PTPRG: variants seen among roughly 807,000 people sequenced by gnomAD.
PTPRG encodes receptor-type tyrosine-protein phosphatase gamma.
Under a neutral mutation model 165.3 loss-of-function variants are expected in PTPRG, and 102 were observed. The ratio of observed to expected loss-of-function variants is 0.62; its 90% CI spans 0.53 to 0.73. PTPRG has a LOEUF of 0.73. PTPRG is among the 30% of genes least tolerant of loss of function. The probability of loss-of-function intolerance (pLI) is 0.00; values close to 1 mark genes in which losing one functional copy is unlikely to be tolerated. For missense variants in PTPRG, 1,866 were observed against 1,861.4 expected, an observed-to-expected ratio of 1.00 and a Z score of -0.05; for synonymous variants, 675 against 669.5, an observed-to-expected ratio of 1.01 and a Z score of -0.13.
chr3:61,776,677 A>T (rs2034394200), intron 2 of PTPRG, among the ~76,000 whole-genome samples: 1 of 151,920 alleles, frequency 6.6e-6, no homozygotes, highest in African/African-American at 2.4e-5. Flanking sequence ...GCTTGCAATT[A>T]TCTGTAGCCT....
intron 4 of PTPRG, among the ~76,000 whole-genome samples, chr3:62,058,354 A>G (rs1473798735): frequency 1.3e-5 from 2 of 151,812 alleles, no homozygotes. Context: ...TATTTTTTTT[A>G]GAGACTGGGT....
chr3:61,681,137 G>A (rs1434828169), intron 1 of PTPRG, among the ~76,000 whole-genome samples: 1 of 150,722 alleles, frequency 6.6e-6, no homozygotes, highest in Non-Finnish European at 1.5e-5. Flanking sequence ...TGTGAAATAG[G>A]CAATTTAAGG....
chr3:62,142,227 A>G (rs1703958697), intron 6 of PTPRG, among the ~76,000 whole-genome samples: 2 of 152,056 alleles, frequency 1.3e-5, no homozygotes, highest in South Asian at 4.1e-4. Flanking sequence ...TAAACTTCAA[A>G]ACATGAGAAA....
chr3:62,028,163 A>G (rs1340932183), intron 4 of PTPRG, among the ~76,000 whole-genome samples: 1 of 152,240 alleles, frequency 6.6e-6, no homozygotes, highest in Admixed American at 6.5e-5. Context: ...AGTTTTCGGT[A>G]GAAAGGAGAG....
At chr3:61,861,311 A>C in intron 2 of PTPRG, among the ~76,000 whole-genome samples, 1 of 152,138 alleles carries the variant, frequency 6.6e-6, no homozygotes, top group East Asian at 1.9e-4. Flanking sequence ...GTGGGGAAAA[A>C]AAAAATTGGC....
At chr3:61,822,653 T>C (rs1293099236) in intron 2 of PTPRG, among the ~76,000 whole-genome samples, 1 of 152,228 alleles carries the variant, frequency 6.6e-6, no homozygotes, top group Non-Finnish European at 1.5e-5. Context: ...AAAATTCTCA[T>C]AGCCTAGAGA....
At chr3:61,912,200 G>A (rs1398890768) in intron 2 of PTPRG, among the ~76,000 whole-genome samples, 1 of 151,958 alleles carries the variant, frequency 6.6e-6, no homozygotes, top group Non-Finnish European at 1.5e-5. Context: ...GTCAGCTTTA[G>A]AAATACCCCT....
chr3:61,722,653 G>A (rs1319335815), intron 1 of PTPRG, among the ~76,000 whole-genome samples: 1 of 152,092 alleles, frequency 6.6e-6, no homozygotes, highest in Non-Finnish European at 1.5e-5. Flanking sequence ...TTCTAGTCCT[G>A]TTTTCCTTTA....
chr3:61,973,899 A>G (rs923428446), intron 2 of PTPRG, among the ~76,000 whole-genome samples: 2 of 152,138 alleles, frequency 1.3e-5, no homozygotes, highest in African/African-American at 2.4e-5. Context: ...ACTCTCAGAC[A>G]TGTAGGAGTC....
intron 2 of PTPRG, among the ~76,000 whole-genome samples, chr3:61,791,870 C>T (rs1449912815): frequency 1.3e-5 from 2 of 152,268 alleles, no homozygotes; most frequent in East Asian, 3.9e-4. Context: ...TGTTTAAGGT[C>T]CTTTCTTGCC....
At chr3:62,113,811 C>G (rs1156327882) in intron 5 of PTPRG, among the ~76,000 whole-genome samples, 2 of 152,098 alleles carry the variant, frequency 1.3e-5, no homozygotes, top group African/African-American at 4.8e-5. Context: ...TTAGAAGATA[C>G]AGATTTTCCT....
intron 2 of PTPRG, among the ~76,000 whole-genome samples, chr3:61,939,830 T>C (rs1359278939): frequency 6.6e-6 from 1 of 151,448 alleles, no homozygotes; most frequent in Non-Finnish European, 1.5e-5. Flanking sequence ...TGTCCACCCA[T>C]GTTTGATGGA....
At chr3:61,985,722 A>C (rs554794917) in intron 2 of PTPRG, among the ~76,000 whole-genome samples, 1 of 152,278 alleles carries the variant, frequency 6.6e-6, no homozygotes, top group South Asian at 2.1e-4. Flanking sequence ...TTCTTCTTTG[A>C]TTGACCTTCT....
At position 61,868,469 on chromosome 3, in the gene PTPRG, C is replaced by A. The variant is rs138539078; in HGVS notation, c.190+119487C>A. ...GGCCTCTCTGCTGCCTGATGCACTG[C>A]GTCCAACCTGCCTTGAGCCTGGGCA... On this transcript the variant is annotated intron_variant, in intron 2 of 29. Coordinates refer to ENST00000474889, the MANE Select transcript of PTPRG (RefSeq NM_002841.4). Among the ~76,000 whole-genome samples, 414 of 152,322 alleles carry A rather than the reference C, an allele frequency of 2.7e-3. 1 individual carries two copies. In the Middle Eastern group the frequency reaches 0.034, roughly 13 times the overall value.
intron 3 of PTPRG, among the ~76,000 whole-genome samples, chr3:62,002,871 A>G (rs1433295656): frequency 6.6e-6 from 1 of 152,174 alleles, no homozygotes; most frequent in African/African-American, 2.4e-5. Flanking sequence ...ATTTCCTGAT[A>G]TCTTGCCTAC....
At chr3:61,976,075 T>A (rs2040496910) in intron 2 of PTPRG, among the ~76,000 whole-genome samples, 1 of 152,136 alleles carries the variant, frequency 6.6e-6, no homozygotes. Flanking sequence ...CCCTGCAATG[T>A]GCTGGAAAAC....
chr3:62,022,382 C>A (rs544748275), intron 4 of PTPRG, among the ~76,000 whole-genome samples: 1 of 152,162 alleles, frequency 6.6e-6, no homozygotes. Flanking sequence ...CTTGGCAGAA[C>A]AATACCAGTA....
At chr3:62,099,441 G>A (rs1284979191) in intron 5 of PTPRG, among the ~76,000 whole-genome samples, 1 of 152,030 alleles carries the variant, frequency 6.6e-6, no homozygotes, top group African/African-American at 2.4e-5. Flanking sequence ...TTATGATAGT[G>A]AAAATTGTTA....
chr3:62,068,574 C>T (rs1308741779), intron 4 of PTPRG, among the ~76,000 whole-genome samples: 1 of 152,154 alleles, frequency 6.6e-6, no homozygotes, highest in Non-Finnish European at 1.5e-5. Context: ...CTCCTGGGCT[C>T]AAGTGATCCT....
Sources: gnomAD v4.1 joint callset for allele counts (sites outside exome capture counted in the v4.1 genomes callset) on GRCh38, gnomAD v4.1.1 for gene constraint, MANE v1.5 for transcripts, NCBI Gene and HGNC (gene_info 2026-07-23, HGNC 2026-07-21) for gene names.